Variants in PPP2R2B observed in about 807,000 individuals in gnomAD.
PPP2R2B encodes protein phosphatase 2 regulatory subunit Bbeta.
In PPP2R2B, 5 loss-of-function variants were observed where a neutral mutation model predicts 46.0. The ratio of observed to expected loss-of-function variants is 0.11; its 90% confidence interval spans 0.06 to 0.23. PPP2R2B has a LOEUF of 0.23. Ranked by LOEUF, PPP2R2B falls within the 10% of genes least tolerant of loss-of-function variation. The pLI is 1.00. For missense variants in PPP2R2B, 367 were observed against 575.0 expected, an observed-to-expected ratio of 0.64 and a Z score of 3.70; for synonymous variants, 215 against 206.7, an observed-to-expected ratio of 1.04 and a Z score of -0.34.
In PPP2R2B at chr5:146,590,148, A is replaced by G; in HGVS notation, c.1131T>C (p.Ala377=). The change falls in exon 10 of 10, where the codon GCT becomes GCC. Residue 377 remains alanine (A), a synonymous_variant. Transcript: ENST00000394411. Reference sequence around the variant, plus strand: ...CCCGGGGCTTGCTGTTTTCCCTCGAAGCCTCAAGGGTCACATCACGCTTGG... The same window carrying G: ...CCCGGGGCTTGCTGTTTTCCCTCGAGGCCTCAAGGGTCACATCACGCTTGG... ...RNTKRDVTLE[A]SRENSKPRAI... 6.2e-7 allele frequency: 1 copy of G among 1,613,314 alleles called. No homozygotes were observed. The highest frequency in any genetic ancestry group is 8.5e-7 in the Non-Finnish European group (1 of 1,179,952).
intron 2 of PPP2R2B, among the ~76,000 whole-genome samples, chr5:146,755,129 CAT>C (rs1452104924): frequency 1.7e-4 from 26 of 152,144 alleles, no homozygotes; most frequent in Middle Eastern, 6.8e-3. Context: ...GGAGATGTGC[CAT>C]AGTGATGAAG....
At chr5:147,070,962 C>T (rs971504680) in intron 2 of PPP2R2B, among the ~76,000 whole-genome samples, 2 of 151,922 alleles carry the variant, frequency 1.3e-5, no homozygotes, top group Non-Finnish European at 2.9e-5. Context: ...TGCACTCCAG[C>T]CTGGCGACAG....
intron 5 of PPP2R2B, among the ~76,000 whole-genome samples, chr5:146,673,958 A>G (rs1209400151): frequency 6.6e-6 from 1 of 152,188 alleles, no homozygotes; most frequent in Non-Finnish European, 1.5e-5. Flanking sequence ...GAAGTCTTAC[A>G]TGTTGAGGTC....
At chr5:147,043,917 A>G (rs979356125) in intron 1 of PPP2R2B, among the ~76,000 whole-genome samples, 15 of 152,034 alleles carry the variant, frequency 9.9e-5, no homozygotes, top group Admixed American at 9.2e-4. Flanking sequence ...CCTGGGTCCA[A>G]ATCCCACCTC....
chr5:146,937,439 A>G (rs1764189669), intron 1 of PPP2R2B, among the ~76,000 whole-genome samples: 1 of 152,110 alleles, frequency 6.6e-6, no homozygotes, highest in African/African-American at 2.4e-5. Context: ...ACAGTCTGTC[A>G]GTGGGTTACT....
At chr5:146,906,807 G>A (rs1184198918) in intron 1 of PPP2R2B, among the ~76,000 whole-genome samples, 1 of 152,190 alleles carries the variant, frequency 6.6e-6, no homozygotes, top group Non-Finnish European at 1.5e-5. Context: ...CCTCATGACT[G>A]TGGCAGTGGT....
intron 4 of PPP2R2B, among the ~76,000 whole-genome samples, chr5:146,692,624 C>T (rs1778926425): frequency 6.6e-6 from 1 of 150,708 alleles, no homozygotes; most frequent in Non-Finnish European, 1.5e-5. Flanking sequence ...AGCTCTGCCT[C>T]CTGGGTTCAT....
At chr5:146,630,843 G>A (rs149217897) in intron 7 of PPP2R2B, among the ~76,000 whole-genome samples, 18 of 152,100 alleles carry the variant, frequency 1.2e-4, no homozygotes, top group Non-Finnish European at 2.4e-4. Flanking sequence ...AAGGCTCCAC[G>A]GGTGTTATTT....
chr5:146,953,515 A>T (rs1751724823), intron 1 of PPP2R2B, among the ~76,000 whole-genome samples: 2 of 152,184 alleles, frequency 1.3e-5, no homozygotes, highest in African/African-American at 4.8e-5. Flanking sequence ...GCAAAAATGA[A>T]TTCAGTGGTG....
intron 2 of PPP2R2B, among the ~76,000 whole-genome samples, chr5:146,789,849 C>T (rs1756080923): frequency 6.6e-6 from 1 of 151,954 alleles, no homozygotes. Context: ...TAAACCTTTC[C>T]AAGAAGAAAA....
At chr5:146,867,665 G>T (rs1414663684) in intron 2 of PPP2R2B, among the ~76,000 whole-genome samples, 1 of 151,982 alleles carries the variant, frequency 6.6e-6, no homozygotes, top group African/African-American at 2.4e-5. Context: ...CCACCACTTC[G>T]GCCACCTCAT....
rs115486589 is a variant in PPP2R2B, at chr5:146,980,203, A to T, written c.79+75462T>A. The stretch of plus-strand genomic sequence containing the variant: ...AAAATAAAAATGTGTGCATGTATCT[A>T]TGTTTCAGAGTAGACTTTCCACATC... On this transcript the variant is annotated intron_variant, in intron 1 of 8. Transcript: ENST00000336640. 7.3e-3 allele frequency among the ~76,000 whole-genome samples: 1,113 copies of T among 152,298 alleles called. 10 individuals are homozygous for T. The highest frequency in any genetic ancestry group is 0.026 in the African/African-American group (1,064 of 41,550).
At chr5:146,973,964 C>T (rs1752778353) in intron 1 of PPP2R2B, among the ~76,000 whole-genome samples, 1 of 152,208 alleles carries the variant, frequency 6.6e-6, no homozygotes, top group South Asian at 2.1e-4. Context: ...GCCCATCCTT[C>T]TTTAAAATCT....
At chr5:146,628,731 C>A (rs187737292) in intron 7 of PPP2R2B, among the ~76,000 whole-genome samples, 47 of 152,328 alleles carry the variant, frequency 3.1e-4, no homozygotes, top group African/African-American at 1.1e-3. Flanking sequence ...TGGGAACCTA[C>A]TATGTGTCAG....
intron 2 of PPP2R2B, among the ~76,000 whole-genome samples, chr5:147,069,593 A>AG (rs1220248753): frequency 6.6e-6 from 1 of 152,034 alleles, no homozygotes; most frequent in East Asian, 1.9e-4. Flanking sequence ...GCTTCTGTCC[A>AG]GGGCCTTCAC....
At chr5:146,616,548 T>C (rs1446044661) in intron 7 of PPP2R2B, among the ~76,000 whole-genome samples, 3 of 152,090 alleles carry the variant, frequency 2.0e-5, no homozygotes, top group Non-Finnish European at 4.4e-5. Context: ...ATCTAATCCA[T>C]TTAAAAAAAT....
intron 1 of PPP2R2B, among the ~76,000 whole-genome samples, chr5:147,006,104 G>T (rs1010977885): frequency 6.6e-6 from 1 of 152,152 alleles, no homozygotes; most frequent in Non-Finnish European, 1.5e-5. Context: ...CCACATCTAG[G>T]AGGAACTCCC....
intron 2 of PPP2R2B, among the ~76,000 whole-genome samples, chr5:147,078,328 A>C (rs1021128218): frequency 6.6e-6 from 1 of 152,178 alleles, no homozygotes; most frequent in African/African-American, 2.4e-5. Flanking sequence ...TAAGACCTAT[A>C]GTTAGAGCAG....
At chr5:146,935,399 G>C (rs986596510) in intron 1 of PPP2R2B, among the ~76,000 whole-genome samples, 9 of 152,142 alleles carry the variant, frequency 5.9e-5, no homozygotes, top group African/African-American at 2.2e-4. Context: ...ATAAATTTTT[G>C]TTGTTTATAA....
Sources: allele counts gnomAD v4.1 joint callset (sites outside exome capture counted in the v4.1 genomes callset), GRCh38; gene constraint gnomAD v4.1.1; transcripts MANE v1.5; gene names NCBI Gene and HGNC (gene_info 2026-07-23, HGNC 2026-07-21).